Variants in EVI5 observed in about 807,000 individuals in gnomAD.
EVI5 encodes the protein ecotropic viral integration site 5, also known as ecotropic viral integration site 5 protein homolog.
Under a neutral mutation model 112.0 loss-of-function variants are expected in EVI5, and 73 were observed. The observed-to-expected ratio is 0.65, with a 90% CI of 0.54 to 0.79. EVI5 has a LOEUF of 0.79. Among genes scored for constraint, EVI5 ranks in the 30% least tolerant of loss-of-function variants. The pLI is 0.00. For synonymous variants in EVI5, 305 were observed against 319.9 expected, an observed-to-expected ratio of 0.95 and a Z score of 0.50; for missense variants, 900 against 968.8, an observed-to-expected ratio of 0.93 and a Z score of 0.94.
chr1:92,745,659 T>C (rs1433500578), intron 1 of EVI5, among the ~76,000 whole-genome samples: 1 of 151,722 alleles, frequency 6.6e-6, no homozygotes, highest in Admixed American at 6.6e-5. Context: ...ACAAAAAAAA[T>C]TAGCTGGGTG....
intron 18 of EVI5, among the ~76,000 whole-genome samples, chr1:92,586,880 C>A (rs1001966438): frequency 6.6e-6 from 1 of 151,982 alleles, no homozygotes; most frequent in African/African-American, 2.4e-5. Flanking sequence ...GTCCCCTTCA[C>A]TGGAGAATGG....
chr1:92,727,989 G>C (rs1367533539), intron 2 of EVI5, among the ~76,000 whole-genome samples: 1 of 145,120 alleles, frequency 6.9e-6, no homozygotes, highest in East Asian at 2.0e-4. Flanking sequence ...GTGCGACCCT[G>C]TCTCAAAAAA....
At chr1:92,629,370 A>G (rs774103712) in intron 14 of EVI5, among the ~76,000 whole-genome samples, 3 of 152,210 alleles carry the variant, frequency 2.0e-5, no homozygotes, top group Non-Finnish European at 2.9e-5. Context: ...GCTATTACCT[A>G]AGAGTAAAAA....
intron 19 of EVI5, among the ~76,000 whole-genome samples, chr1:92,518,211 T>C (rs186388481): frequency 6.6e-6 from 1 of 152,306 alleles, no homozygotes; most frequent in East Asian, 1.9e-4. Flanking sequence ...CATATGCTTT[T>C]GAGGCCCATT....
chr1:92,675,655 C>T (rs1008486445), intron 10 of EVI5, among the ~76,000 whole-genome samples: 11 of 151,862 alleles, frequency 7.2e-5, no homozygotes, highest in African/African-American at 2.7e-4. Flanking sequence ...ACTCATAGTA[C>T]CTAAAAGAAA....
At chr1:92,709,691 A>G (rs1053057008) in intron 2 of EVI5, among the ~76,000 whole-genome samples, 10 of 152,170 alleles carry the variant, frequency 6.6e-5, no homozygotes, top group African/African-American at 2.4e-4. Flanking sequence ...GATACCATGA[A>G]GTCTCTCCCC....
chr1:92,650,332 A>T (rs771320828), intron 13 of EVI5, among the ~76,000 whole-genome samples: 2 of 152,188 alleles, frequency 1.3e-5, no homozygotes, highest in African/African-American at 4.8e-5. Context: ...TCACTTATTT[A>T]TATCTTCTTT....
chr1:92,746,367 T>C (rs945410924), intron 1 of EVI5, among the ~76,000 whole-genome samples: 3 of 152,228 alleles, frequency 2.0e-5, no homozygotes, highest in Non-Finnish European at 4.4e-5. Flanking sequence ...AAATAGCACA[T>C]TTCAATGAAG....
chr1:92,694,098 C>A (rs1351521879), intron 8 of EVI5, among the ~76,000 whole-genome samples, 199 bp from the exon 9 acceptor site: 1 of 151,914 alleles, frequency 6.6e-6, no homozygotes, highest in Non-Finnish European at 1.5e-5. Flanking sequence ...CCTGTTTCTA[C>A]TAAAAATACA....
At chr1:92,586,149 TTA>T (rs1460788259) in intron 18 of EVI5, among the ~76,000 whole-genome samples, 3 of 152,176 alleles carry the variant, frequency 2.0e-5, no homozygotes, top group Non-Finnish European at 2.9e-5. Context: ...TCAGTGTAAT[TTA>T]TGACTGTTGA....
intron 1 of EVI5, among the ~76,000 whole-genome samples, chr1:92,750,123 TACAA>T (rs1487960013): frequency 6.6e-6 from 1 of 152,096 alleles, no homozygotes; most frequent in Non-Finnish European, 1.5e-5. Context: ...AGGAATAGGA[TACAA>T]ACAAAGATCA....
chr1:92,663,042 C>T (rs1049513188), intron 12 of EVI5, among the ~76,000 whole-genome samples, 177 bp from the exon 13 acceptor site: 1 of 151,388 alleles, frequency 6.6e-6, no homozygotes, highest in African/African-American at 2.4e-5. Flanking sequence ...AGCAAATTTT[C>T]GGAAACTAAA....
rs188414516 is a variant in EVI5, at chr1:92,589,091, G to A, written c.2070+16216C>T. ...AATCAGGTAAGATGGCATTAACAGG[G>A]AATGCTGATCACAACTGGTCAAGCT... On this transcript the variant is annotated intron_variant, in intron 18 of 19. Transcript: ENST00000684568. Among the ~76,000 whole-genome samples, 62 of 152,308 alleles carry A rather than the reference G, an allele frequency of 4.1e-4. 1 individual carries two copies. In the East Asian group the frequency reaches 9.8e-3, roughly 24 times the overall value.
chr1:92,674,336 C>T (rs370244686), intron 10 of EVI5, among the ~76,000 whole-genome samples: 1 of 152,046 alleles, frequency 6.6e-6, no homozygotes, highest in South Asian at 2.1e-4. Flanking sequence ...ACATATACAC[C>T]ATGGAATACT....
At chr1:92,693,686 T>C in intron 9 of EVI5, 116 bp downstream of exon 9, 1 of 638,098 alleles carries the variant, frequency 1.6e-6, no homozygotes, top group South Asian at 2.0e-5. Flanking sequence ...TATGCTATAT[T>C]GAAACCAATA....
intron 16 of EVI5, among the ~76,000 whole-genome samples, chr1:92,622,828 C>T (rs1378597700): frequency 6.6e-6 from 1 of 152,194 alleles, no homozygotes; most frequent in Non-Finnish European, 1.5e-5. Context: ...GGAAATCTTT[C>T]TCCAAACCAC....
intron 13 of EVI5, among the ~76,000 whole-genome samples, chr1:92,657,324 C>T (rs566637918): frequency 5.3e-5 from 8 of 152,212 alleles, no homozygotes; most frequent in African/African-American, 1.4e-4. Context: ...TGATAAAATT[C>T]GGCATCCCTT....
upstream of EVI5, among the ~76,000 whole-genome samples, chr1:92,785,279 G>C (rs1014428967): frequency 2.6e-5 from 4 of 152,242 alleles, no homozygotes; most frequent in African/African-American, 9.6e-5. Flanking sequence ...CTCTTTCAAA[G>C]CACCAGCCTT....
chr1:92,682,669 G>A (rs1186471442), intron 9 of EVI5, among the ~76,000 whole-genome samples: 1 of 152,096 alleles, frequency 6.6e-6, no homozygotes, highest in African/African-American at 2.4e-5. Context: ...GGAGGCTGAG[G>A]CTTGAACCTT....
Sources: allele counts gnomAD v4.1 joint callset (sites outside exome capture counted in the v4.1 genomes callset), GRCh38; gene constraint gnomAD v4.1.1; transcripts MANE v1.5; gene names NCBI Gene and HGNC (gene_info 2026-07-23, HGNC 2026-07-21).